The following TRPS1 variants were observed in gnomAD, a reference collection of about 807,000 sequenced individuals.
The protein encoded by TRPS1 is zinc finger transcription factor Trps1.
Under a neutral mutation model 101.2 loss-of-function variants are expected in TRPS1, and 6 were observed. That is an observed-to-expected ratio of 0.06 (90% CI 0.03 to 0.12). The LOEUF is 0.12. Ranked by LOEUF, TRPS1 falls within the 10% of genes least tolerant of loss-of-function variation. TRPS1 has a pLI of 1.00. For synonymous variants in TRPS1, 578 were observed against 589.8 expected, an observed-to-expected ratio of 0.98 and a Z score of 0.29; for missense variants, 1,363 against 1,567.0, an observed-to-expected ratio of 0.87 and a Z score of 2.20.
intron 5 of TRPS1, among the ~76,000 whole-genome samples, chr8:115,443,949 T>C (rs1813669434): frequency 6.6e-6 from 1 of 152,144 alleles, no homozygotes. Flanking sequence ...AAAACATAGA[T>C]TTACAATGTA....
At chr8:115,596,469 G>A (rs1444994359) in intron 4 of TRPS1, among the ~76,000 whole-genome samples, 6 of 151,616 alleles carry the variant, frequency 4.0e-5, no homozygotes, top group South Asian at 2.1e-4. Flanking sequence ...ATCTAAGTTC[G>A]CAAACAAATT....
chr8:115,642,917 C>T (rs550103200), intron 1 of TRPS1, among the ~76,000 whole-genome samples: 2 of 150,162 alleles, frequency 1.3e-5, no homozygotes, highest in Non-Finnish European at 3.0e-5. Flanking sequence ...TACTACACCT[C>T]GGAGATACTA....
At chr8:115,484,946 C>T (rs800909) in intron 5 of TRPS1, among the ~76,000 whole-genome samples, 52,185 of 152,028 alleles carry the variant, frequency 0.34, 9,931 homozygotes, top group Non-Finnish European at 0.45. Flanking sequence ...GTAGGCAGAA[C>T]TGTAAGATGA....
chr8:115,553,711 G>A (rs2130347404), intron 5 of TRPS1, among the ~76,000 whole-genome samples: 1 of 152,238 alleles, frequency 6.6e-6, no homozygotes. Context: ...TCTAGGCTAA[G>A]ATACTCTGAT....
At chr8:115,480,455 A>C (rs1005321115) in intron 5 of TRPS1, among the ~76,000 whole-genome samples, 10 of 152,128 alleles carry the variant, frequency 6.6e-5, no homozygotes, top group Non-Finnish European at 1.5e-4. Flanking sequence ...AAATGGACTA[A>C]TTTATGCACA....
rs548075236 is a variant in TRPS1, at chr8:115,537,883, C to G, written c.2700+49118G>C. 4.1e-4 allele frequency among the ~76,000 whole-genome samples: 62 copies of G among 152,316 alleles called. 1 individual carries two copies. In the South Asian group the frequency reaches 5.0e-3, roughly 12 times the overall value. ...TTAGTCACATTGTACAGAGCTAACACTTATCCTCCAGTGTTCTACTAATTG... is the reference window on the plus strand; with the variant it reads ...TTAGTCACATTGTACAGAGCTAACAGTTATCCTCCAGTGTTCTACTAATTG... On this transcript the variant is annotated intron_variant, in intron 5 of 6. Transcript: ENST00000395715.
chr8:115,490,585 T>G (rs1439795225), intron 5 of TRPS1, among the ~76,000 whole-genome samples: 1 of 152,174 alleles, frequency 6.6e-6, no homozygotes, highest in Non-Finnish European at 1.5e-5. Context: ...CCAATACATT[T>G]CGATCTTTTA....
At chr8:115,564,144 G>A (rs998586404) in intron 5 of TRPS1, among the ~76,000 whole-genome samples, 10 of 151,948 alleles carry the variant, frequency 6.6e-5, no homozygotes, top group Admixed American at 5.9e-4. Context: ...CAAATTACAC[G>A]TTACACAATG....
At chr8:115,457,334 T>G (rs1441765111) in intron 5 of TRPS1, among the ~76,000 whole-genome samples, 1 of 152,188 alleles carries the variant, frequency 6.6e-6, no homozygotes, top group Non-Finnish European at 1.5e-5. Context: ...GAGGACATCA[T>G]TATGTTAAGT....
chr8:115,604,023 A>G lies in TRPS1; in HGVS notation c.1946T>C (p.Val649Ala), dbSNP rs1817969962. The G allele has an allele frequency of 1.9e-6, 3 of 1,613,982 alleles. No homozygotes were observed. Among genetic ancestry groups the G allele is most frequent in the Admixed American group, 3.3e-5 (2 of 59,966 alleles). The change falls in exon 4 of 7, where the codon GTG becomes GCG. Residue 649 changes from valine (V) to alanine (A), a missense_variant. Val to Ala is a moderately conservative substitution (Grantham distance 64, BLOSUM62 0). Transcript: ENST00000395715. This position sits in a 1 kb window ranked among gnomAD's most constrained non-coding sequence, Gnocchi z 4.1. ...VDVLLFHYES[V>A]HESQASDVKQ... ...GACATCCGATGCTTGGGACTCATGCACACTTTCATAGTGAAAGAGGAGTAC... is the reference window on the plus strand; with the variant it reads ...GACATCCGATGCTTGGGACTCATGCGCACTTTCATAGTGAAAGAGGAGTAC...
At chr8:115,570,313 T>C (rs1050754264) in intron 5 of TRPS1, among the ~76,000 whole-genome samples, 1 of 152,082 alleles carries the variant, frequency 6.6e-6, no homozygotes, top group African/African-American at 2.4e-5. Flanking sequence ...ATACAAATAA[T>C]AATCAATTTA....
chr8:115,480,391 ACT>A (rs1814720870), intron 5 of TRPS1, among the ~76,000 whole-genome samples: 1 of 152,152 alleles, frequency 6.6e-6, no homozygotes, highest in African/African-American at 2.4e-5. Context: ...GAGTTTCTGT[ACT>A]CTTTTATTAT....
At chr8:115,493,097 G>C (rs886431319) in intron 5 of TRPS1, among the ~76,000 whole-genome samples, 4 of 152,074 alleles carry the variant, frequency 2.6e-5, no homozygotes, top group African/African-American at 9.7e-5. Flanking sequence ...TTCTTGAAGC[G>C]CATTAGGCCT....
intron 3 of TRPS1, among the ~76,000 whole-genome samples, chr8:115,607,646 C>T (rs1010765062): frequency 3.3e-5 from 5 of 151,204 alleles, no homozygotes; most frequent in African/African-American, 1.2e-4. Context: ...TGGTTAATAT[C>T]GGTAAATAAT....
intron 5 of TRPS1, among the ~76,000 whole-genome samples, chr8:115,458,142 C>T (rs544643124): frequency 2.0e-5 from 3 of 152,152 alleles, no homozygotes; most frequent in East Asian, 1.9e-4. Flanking sequence ...GAAATGGAAG[C>T]GGGCAGTCAA....
At chr8:115,535,295 G>GCATATATATAGCATATACAGAA (rs1816275916) in intron 5 of TRPS1, among the ~76,000 whole-genome samples, 1 of 139,768 alleles carries the variant, frequency 7.2e-6, no homozygotes, top group African/African-American at 2.6e-5. Flanking sequence ...CATATATATA[G>GCATATATATAGCATATACAGAA]CATATATATA....
chr8:115,489,384 T>C (rs1220396937), intron 5 of TRPS1, among the ~76,000 whole-genome samples: 1 of 152,218 alleles, frequency 6.6e-6, no homozygotes, highest in East Asian at 1.9e-4. Flanking sequence ...TTTCTTTTTT[T>C]ACTCTGCTTT....
At chr8:115,566,612 G>GA (rs200228557) in intron 5 of TRPS1, among the ~76,000 whole-genome samples, 4,138 of 147,712 alleles carry the variant, frequency 0.028, 183 homozygotes, top group African/African-American at 0.096. Flanking sequence ...TCAGAAAACA[G>GA]AAAAAAAAAC....
chr8:115,640,579 C>A (rs1291730280), intron 1 of TRPS1, among the ~76,000 whole-genome samples: 1 of 152,138 alleles, frequency 6.6e-6, no homozygotes. Flanking sequence ...AATATGAACA[C>A]GCATAAAACA....
Sources: gnomAD v4.1 joint callset for allele counts (sites outside exome capture counted in the v4.1 genomes callset) on GRCh38, gnomAD v4.1.1 for gene constraint, Gnocchi (gnomAD v3.1) non-coding constraint, MANE v1.5 for transcripts, NCBI Gene and HGNC (gene_info 2026-07-23, HGNC 2026-07-21) for gene names.